RAD18: variants seen among roughly 807,000 people sequenced by gnomAD.
RAD18 encodes the protein E3 ubiquitin-protein ligase RAD18.
RAD18 carries 47 observed loss-of-function variants against 60.4 expected under a neutral mutation model. That is an observed-to-expected ratio of 0.78 (90% CI 0.62 to 0.99). RAD18 has a LOEUF of 0.99. RAD18 is among the 50% of genes least tolerant of loss of function. The probability of loss-of-function intolerance (pLI) is 0.00; values close to 1 mark genes in which losing one functional copy is unlikely to be tolerated. For missense variants in RAD18, 640 were observed against 593.3 expected (o/e 1.08, Z -0.82); for synonymous variants, 225 against 195.5 (o/e 1.15, Z -1.26).
At chr3:8,907,719 T>C (rs922029370) in intron 9 of RAD18, among the ~76,000 whole-genome samples, 1 of 152,174 alleles carries the variant, frequency 6.6e-6, no homozygotes, top group Non-Finnish European at 1.5e-5. Flanking sequence ...TCTTCCCGCA[T>C]CATCCCCTTT....
intron 7 of RAD18, among the ~76,000 whole-genome samples, 159 bp downstream of exon 7, chr3:8,935,712 C>G (rs892946432): frequency 1.3e-5 from 2 of 152,192 alleles, no homozygotes; most frequent in African/African-American, 4.8e-5. Flanking sequence ...GCTGGCTTAT[C>G]ATAGCATACT....
At chr3:8,902,893 T>C (rs567327791) in intron 9 of RAD18, among the ~76,000 whole-genome samples, 12 of 151,846 alleles carry the variant, frequency 7.9e-5, no homozygotes, top group Non-Finnish European at 1.6e-4. Flanking sequence ...AGGTGTGGTA[T>C]TGTGTGCCTA....
chr3:8,946,025 A>G (rs1306839704), intron 4 of RAD18, among the ~76,000 whole-genome samples: 1 of 149,896 alleles, frequency 6.7e-6, no homozygotes, highest in Non-Finnish European at 1.5e-5. Context: ...GTCTAAGTGT[A>G]CAGTGTTTAT....
intron 1 of RAD18, 140 bp downstream of exon 1, chr3:8,963,195 G>T: frequency 2.1e-6 from 2 of 931,254 alleles, no homozygotes; most frequent in Non-Finnish European, 3.1e-6. Context: ...GTCGGCTAGT[G>T]GCAGGGCAGA....
chr3:8,916,370 G>A (rs181028633), intron 7 of RAD18, among the ~76,000 whole-genome samples: 2 of 152,284 alleles, frequency 1.3e-5, no homozygotes, highest in East Asian at 1.9e-4. Context: ...CAAGTGATAC[G>A]TAACAGCAAT....
intron 12 of RAD18, among the ~76,000 whole-genome samples, chr3:8,889,492 G>A (rs1254475288): frequency 1.3e-5 from 2 of 152,138 alleles, no homozygotes; most frequent in Non-Finnish European, 2.9e-5. Flanking sequence ...AAATGTGCTG[G>A]AAAGAGATGG....
chr3:8,890,157 T>C (rs17734312), intron 12 of RAD18: 9,003 of 520,388 alleles, frequency 0.017, 109 homozygotes, highest in Non-Finnish European at 0.023. Flanking sequence ...TAAGAACAAT[T>C]TATCCATACA....
intron 12 of RAD18, 149 bp from the exon 13 acceptor site, chr3:8,881,608 G>T: frequency 1.6e-6 from 1 of 623,046 alleles, no homozygotes. Flanking sequence ...GTTATTATTA[G>T]TATTTCCACT....
At chr3:8,887,178 A>G (rs147681938) in intron 12 of RAD18, among the ~76,000 whole-genome samples, 1 of 152,304 alleles carries the variant, frequency 6.6e-6, no homozygotes, top group African/African-American at 2.4e-5. Flanking sequence ...AAATCTACTG[A>G]ATCAGAATCT....
intron 7 of RAD18, among the ~76,000 whole-genome samples, chr3:8,931,914 CA>C (rs1187058381): frequency 6.6e-6 from 1 of 152,116 alleles, no homozygotes; most frequent in Non-Finnish European, 1.5e-5. Context: ...GTCTTTTTAA[CA>C]AATGGTGCTG....
At chr3:8,887,468 CTG>C (rs1939588335) in intron 12 of RAD18, among the ~76,000 whole-genome samples, 4 of 152,324 alleles carry the variant, frequency 2.6e-5, no homozygotes, top group African/African-American at 9.6e-5. Context: ...TGTAAAGAAA[CTG>C]AGACCCCAAA....
rs1051356246 is a variant in RAD18, at chr3:8,881,013, T to C, written c.*344A>G. The C allele has an allele frequency of 5.4e-6, 1 of 184,150 alleles. No individual in the cohort carries two copies. Among genetic ancestry groups the C allele is most frequent in the Non-Finnish European group, 1.1e-5 (1 of 88,590 alleles). 11.4% of individuals were successfully genotyped at this position (184,150 alleles called of 1,614,324 possible). On this transcript the variant is annotated 3_prime_UTR_variant, in exon 13 of 13. Coordinates refer to ENST00000264926, the MANE Select transcript of RAD18 (RefSeq NM_020165.4). ...GATTCTCCATGGAAGAGAAGGAGAA[T>C]GGCCTAAGGACATTCTGAAATTTAA...
chr3:8,894,659 T>G (rs1473863341), intron 11 of RAD18, among the ~76,000 whole-genome samples: 1 of 152,136 alleles, frequency 6.6e-6, no homozygotes, highest in African/African-American at 2.4e-5. Context: ...TTTCAAGGAC[T>G]TGATGTCACA....
At chr3:8,883,920 A>C (rs944693058) in intron 12 of RAD18, among the ~76,000 whole-genome samples, 2 of 152,218 alleles carry the variant, frequency 1.3e-5, no homozygotes, top group African/African-American at 2.4e-5. Context: ...TTTTGAATTC[A>C]GCAAGCTCCA....
chr3:8,946,399 G>A (rs1940840831), intron 4 of RAD18, among the ~76,000 whole-genome samples: 1 of 152,196 alleles, frequency 6.6e-6, no homozygotes, highest in Non-Finnish European at 1.5e-5. Context: ...ATTGCCTAAT[G>A]ACACATTTCT....
chr3:8,933,991 T>G (rs1454238449), intron 7 of RAD18, among the ~76,000 whole-genome samples: 1 of 152,196 alleles, frequency 6.6e-6, no homozygotes, highest in Non-Finnish European at 1.5e-5. Context: ...GGCCTACACA[T>G]GTACAATTAG....
chr3:8,921,400 C>T (rs1940317639), intron 7 of RAD18, among the ~76,000 whole-genome samples: 1 of 152,090 alleles, frequency 6.6e-6, no homozygotes, highest in Non-Finnish European at 1.5e-5. Flanking sequence ...GCCTGTAATC[C>T]CTGCACTTTG....
intron 1 of RAD18, 75 bp downstream of exon 1, chr3:8,963,260 G>T: frequency 6.8e-7 from 1 of 1,462,356 alleles, no homozygotes; most frequent in Non-Finnish European, 9.3e-7. Flanking sequence ...TCCTTAAGGC[G>T]AGGACATCCT....
Position 8,921,673 on chromosome 3 carries a change from T to A in RAD18, c.890-7953A>T, listed in dbSNP as rs963753277. On this transcript the variant is annotated intron_variant, in intron 7 of 12. Coordinates refer to ENST00000264926, the MANE Select transcript of RAD18 (RefSeq NM_020165.4). Reference sequence around the variant, plus strand: ...AACAAGACAGAATGAACAAATAAAGTTTTTCAGGAAATGTCCAAACACTGT... The same window carrying A: ...AACAAGACAGAATGAACAAATAAAGATTTTCAGGAAATGTCCAAACACTGT... 1.4e-4 allele frequency among the ~76,000 whole-genome samples: 21 copies of A among 150,272 alleles called. No individual in the cohort carries two copies. In the South Asian group the frequency reaches 4.4e-3, roughly 32 times the overall value.
Sources: allele counts gnomAD v4.1 joint callset (sites outside exome capture counted in the v4.1 genomes callset), GRCh38; gene constraint gnomAD v4.1.1; transcripts MANE v1.5; gene names NCBI Gene and HGNC (gene_info 2026-07-23, HGNC 2026-07-21).